The following ITFG1 variants were observed in gnomAD, a reference collection of about 807,000 sequenced individuals.
ITFG1 encodes integrin alpha FG-GAP repeat containing 1.
A neutral mutation model predicts 81.8 loss-of-function variants in ITFG1; 34 were observed. The ratio of observed to expected loss-of-function variants is 0.42; its 90% CI spans 0.32 to 0.55. ITFG1 has a LOEUF of 0.55. ITFG1 is among the 20% of genes least tolerant of loss of function. The pLI is 0.17. For missense variants in ITFG1, 672 were observed against 755.4 expected, an observed-to-expected ratio of 0.89 and a Z score of 1.29; for synonymous variants, 285 against 270.6, an observed-to-expected ratio of 1.05 and a Z score of -0.52.
At chr16:47,290,086 T>G (rs1217147619) in intron 10 of ITFG1, among the ~76,000 whole-genome samples, 1 of 152,220 alleles carries the variant, frequency 6.6e-6, no homozygotes, top group Non-Finnish European at 1.5e-5. Flanking sequence ...CCATTGGTCA[T>G]TCAGAAGCAT....
intron 10 of ITFG1, among the ~76,000 whole-genome samples, chr16:47,274,103 A>T (rs1295937074): frequency 6.6e-6 from 1 of 152,088 alleles, no homozygotes; most frequent in Non-Finnish European, 1.5e-5. Flanking sequence ...CTAAAAATAC[A>T]AAAATTAGCT....
chr16:47,274,466 TTAAC>T (rs1966377080), intron 10 of ITFG1, among the ~76,000 whole-genome samples: 1 of 152,034 alleles, frequency 6.6e-6, no homozygotes, highest in Non-Finnish European at 1.5e-5. Context: ...ACTTAGACAA[TTAAC>T]TAAAACTTGG....
chr16:47,402,936 T>C (rs1307530481), intron 6 of ITFG1, among the ~76,000 whole-genome samples: 2 of 152,144 alleles, frequency 1.3e-5, no homozygotes, highest in Admixed American at 1.3e-4. Flanking sequence ...AATTCCAGTG[T>C]TATTCCTATG....
intron 5 of ITFG1, among the ~76,000 whole-genome samples, chr16:47,435,004 G>A (rs557315040): frequency 1.6e-4 from 24 of 152,244 alleles, no homozygotes; most frequent in Admixed American, 5.2e-4. Context: ...AGGGTGCGGG[G>A]AACAGCACAA....
intron 8 of ITFG1, among the ~76,000 whole-genome samples, chr16:47,338,277 G>A (rs563642337): frequency 4.5e-4 from 69 of 152,206 alleles, no homozygotes; most frequent in African/African-American, 1.7e-3. Context: ...CAGGAGCGGT[G>A]GCAGGCGCGC....
intron 14 of ITFG1, among the ~76,000 whole-genome samples, chr16:47,210,947 A>G (rs1418624473): frequency 1.3e-5 from 2 of 152,066 alleles, no homozygotes; most frequent in African/African-American, 4.8e-5. Context: ...TGCAAAAGTA[A>G]TTGTGGTTTT....
chr16:47,156,304 TG>T (rs1964705181), intron 17 of ITFG1, among the ~76,000 whole-genome samples: 1 of 152,118 alleles, frequency 6.6e-6, no homozygotes, highest in African/African-American at 2.4e-5. Context: ...CTGAGTGTGG[TG>T]GTGGGCACCT....
intron 8 of ITFG1, among the ~76,000 whole-genome samples, chr16:47,319,724 T>C (rs186626445): frequency 6.6e-6 from 1 of 152,318 alleles, no homozygotes; most frequent in Non-Finnish European, 1.5e-5. Context: ...CCACAATGAA[T>C]ACTAGTGAAG....
At chr16:47,393,934 A>G (rs1197972035) in intron 6 of ITFG1, among the ~76,000 whole-genome samples, 1 of 152,148 alleles carries the variant, frequency 6.6e-6, no homozygotes, top group Non-Finnish European at 1.5e-5. Flanking sequence ...TATGTGAATT[A>G]AAATTTGGTC....
At chr16:47,290,556 T>C (rs140589178) in intron 10 of ITFG1, among the ~76,000 whole-genome samples, 2 of 152,340 alleles carry the variant, frequency 1.3e-5, no homozygotes, top group African/African-American at 2.4e-5. Flanking sequence ...TCAATCATTA[T>C]ATAATAATTA....
intron 14 of ITFG1, chr16:47,202,509 T>C (rs533146793): frequency 6.6e-6 from 1 of 152,294 alleles, no homozygotes; most frequent in South Asian, 2.1e-4. Context: ...TTCTTTAATG[T>C]TGTCCTAGCG....
intron 8 of ITFG1, among the ~76,000 whole-genome samples, chr16:47,328,371 A>T (rs1468054290): frequency 1.3e-5 from 2 of 152,144 alleles, no homozygotes; most frequent in Non-Finnish European, 2.9e-5. Context: ...ACCTAATGCT[A>T]AGTGACGAAT....
chr16:47,176,722 C>A (rs974918328), intron 14 of ITFG1, among the ~76,000 whole-genome samples: 3 of 152,070 alleles, frequency 2.0e-5, no homozygotes, highest in African/African-American at 4.8e-5. Context: ...ATAGGTTATT[C>A]TTCTTTCTGG....
At chr16:47,169,898 T>G (rs1964936782) in intron 14 of ITFG1, among the ~76,000 whole-genome samples, 1 of 152,214 alleles carries the variant, frequency 6.6e-6, no homozygotes, top group African/African-American at 2.4e-5. Flanking sequence ...TATAAAAGGA[T>G]GTTGAGTTTT....
intron 14 of ITFG1, among the ~76,000 whole-genome samples, chr16:47,176,950 C>CT (rs1596785485): frequency 2.0e-5 from 3 of 149,038 alleles, no homozygotes; most frequent in African/African-American, 7.4e-5. Context: ...ACATCTTCTT[C>CT]TTCTTTTTTT....
At chr16:47,368,012 C>T (rs898906368) in intron 7 of ITFG1, among the ~76,000 whole-genome samples, 2 of 151,794 alleles carry the variant, frequency 1.3e-5, no homozygotes, top group African/African-American at 2.4e-5. Context: ...TCGAGGCGGG[C>T]GGATCAGGTC....
rs200474217 is a variant in ITFG1, at chr16:47,349,010, TGAGA to T, written c.802+16774_802+16777del. ...AAATACTTTACAGACAAGCAAATGC[TGAGA>T]GATTTTGTCACCACCAGGCCTGCCC... On this transcript the variant is annotated intron_variant, in intron 8 of 17. Coordinates refer to ENST00000320640, the MANE Select transcript of ITFG1 (RefSeq NM_030790.5). 1.9e-3 allele frequency among the ~76,000 whole-genome samples: 283 copies of T among 152,286 alleles called. 8 individuals carry two copies. In the East Asian group the frequency reaches 0.046, roughly 24 times the overall value.
chr16:47,419,200 G>A (rs761154106), intron 6 of ITFG1, among the ~76,000 whole-genome samples: 11 of 152,196 alleles, frequency 7.2e-5, no homozygotes, highest in Non-Finnish European at 1.3e-4. Context: ...CCAAGGTGGA[G>A]CGTAGTTGCT....
intron 13 of ITFG1, among the ~76,000 whole-genome samples, chr16:47,225,544 G>T (rs1329668008): frequency 6.6e-6 from 1 of 152,128 alleles, no homozygotes; most frequent in African/African-American, 2.4e-5. Flanking sequence ...GTTGAAAGCA[G>T]CAAGAGACAA....
Sources: allele counts gnomAD v4.1 joint callset (sites outside exome capture counted in the v4.1 genomes callset), GRCh38; gene constraint gnomAD v4.1.1; transcripts MANE v1.5; gene names NCBI Gene and HGNC (gene_info 2026-07-23, HGNC 2026-07-21).